RASGRF2: variants seen among roughly 807,000 people sequenced by gnomAD.
RASGRF2 encodes the protein ras-specific guanine nucleotide-releasing factor 2.
Under a neutral mutation model 151.0 loss-of-function variants are expected in RASGRF2, and 76 were observed. That is an observed-to-expected ratio of 0.50 (90% CI 0.42 to 0.61). The LOEUF is 0.61. RASGRF2 is among the 20% of genes least tolerant of loss of function. The probability of loss-of-function intolerance (pLI) is 0.00; values close to 1 mark genes in which losing one functional copy is unlikely to be tolerated. For synonymous variants in RASGRF2, 504 were observed against 566.5 expected (o/e 0.89, Z 1.57); for missense variants, 1,148 against 1,564.6 (o/e 0.73, Z 4.49).
At chr5:81,145,542 C>T (rs1753986504) in intron 17 of RASGRF2, among the ~76,000 whole-genome samples, 1 of 152,246 alleles carries the variant, frequency 6.6e-6, no homozygotes, top group African/African-American at 2.4e-5. Flanking sequence ...ATGACTTTGG[C>T]ACCTAGGTCA....
At position 81,062,696 on chromosome 5, in the gene RASGRF2, C is replaced by T. The variant is rs78330766; in HGVS notation, c.396-5336C>T. On this transcript the variant is annotated intron_variant, in intron 2 of 26. Transcript: ENST00000265080. ...TGGTCCCACAGAGAATGAAATGTAC[C>T]GTGTCATTGAATATTTGCTCCTTGA... 5.5e-3 allele frequency among the ~76,000 whole-genome samples: 835 copies of T among 152,208 alleles called. 6 individuals carry two copies. The highest frequency in any genetic ancestry group is 0.017 in the African/African-American group (712 of 41,524).
intron 18 of RASGRF2, chr5:81,183,345 T>C (rs7701594): frequency 0.82 from 791,484 of 965,396 alleles, 324,900 homozygotes; most frequent in Middle Eastern, 0.9. Flanking sequence ...AGATACTACC[T>C]TGAGCTTTAT....
Position 81,073,468 on chromosome 5 carries a change from A to G in RASGRF2, c.887+16A>G. 1 of 1,604,684 alleles carries G rather than the reference A, an allele frequency of 6.2e-7. No individual in the cohort carries two copies. ...TTCTTAACAGGTTTGACATTGCATA[A>G]ATCAAAGAGTTATGAGAAAAACCCC... is the stretch of plus-strand genomic sequence containing the variant. On this transcript the variant is annotated intron_variant, in intron 5 of 26. Transcript: ENST00000265080.
Position 81,180,290 on chromosome 5 carries a change from G to A in RASGRF2, c.2793+9G>A. 1 of 1,535,400 alleles carries A rather than the reference G, an allele frequency of 6.5e-7. No individual in the cohort carries two copies. Among genetic ancestry groups the A allele is most frequent in the Non-Finnish European group, 9.0e-7 (1 of 1,109,164 alleles). On this transcript the variant is annotated intron_variant, in intron 18 of 26. Coordinates refer to ENST00000265080, the MANE Select transcript of RASGRF2 (RefSeq NM_006909.3). ...TCTCAAAGCACGCACAGGTAAGTCA[G>A]TGCCCTCATTAATTACTTGCAAGGA...
chr5:81,139,409 T>C (rs1458673805), intron 17 of RASGRF2, among the ~76,000 whole-genome samples: 1 of 149,964 alleles, frequency 6.7e-6, no homozygotes, highest in Non-Finnish European at 1.5e-5. Context: ...TTCTTTCTTT[T>C]TTTTTTTTTT....
At chr5:80,999,729 C>T (rs1749018847) in intron 1 of RASGRF2, among the ~76,000 whole-genome samples, 1 of 152,090 alleles carries the variant, frequency 6.6e-6, no homozygotes, top group Non-Finnish European at 1.5e-5. Flanking sequence ...TGACATCTGC[C>T]TCAGTTCTCC....
chr5:81,099,230 C>T (rs1276454750), intron 12 of RASGRF2, among the ~76,000 whole-genome samples: 2 of 152,208 alleles, frequency 1.3e-5, no homozygotes, highest in African/African-American at 4.8e-5. Context: ...TGTATACATA[C>T]ATCATGTTTG....
At chr5:81,079,313 C>A (rs537428790) in intron 5 of RASGRF2, among the ~76,000 whole-genome samples, 2 of 152,312 alleles carry the variant, frequency 1.3e-5, no homozygotes, top group Non-Finnish European at 2.9e-5. Flanking sequence ...AAATTAGAAT[C>A]TCATGGAGCC....
intron 17 of RASGRF2, among the ~76,000 whole-genome samples, chr5:81,179,725 A>G (rs992277222): frequency 2.0e-5 from 3 of 152,246 alleles, no homozygotes; most frequent in Admixed American, 1.3e-4. Context: ...AGGGATGCAC[A>G]GTAAAGTGTT....
rs577876645 is a variant in RASGRF2, at chr5:81,099,907, C to CTTTT, written c.1755+4930_1755+4933dup. Among the ~76,000 whole-genome samples, 85 of 125,016 alleles carry CTTTT rather than the reference C, an allele frequency of 6.8e-4. 2 individuals carry two copies. The highest frequency in any genetic ancestry group is 2.4e-3 in the African/African-American group (78 of 32,834). The allele number at this position is 125,016 out of a possible 152,430, so 82.0% of individuals were successfully genotyped here. A position where few individuals can be genotyped will look rare whatever the true frequency, so the allele number is the denominator to read the frequency against. ...ATTTTTGTCACTATTTTTCTTTTTTCTTTTTTTTTTTTTTTTTTGAGACAG... is the reference window on the plus strand; with the variant it reads ...ATTTTTGTCACTATTTTTCTTTTTTCTTTTTTTTTTTTTTTTTTTTTTGAGACAG... On this transcript the variant is annotated intron_variant, in intron 12 of 26. Coordinates refer to ENST00000265080, the MANE Select transcript of RASGRF2 (RefSeq NM_006909.3).
At chr5:80,998,632 C>T (rs944638281) in intron 1 of RASGRF2, among the ~76,000 whole-genome samples, 2 of 152,194 alleles carry the variant, frequency 1.3e-5, no homozygotes, top group Admixed American at 6.6e-5. Flanking sequence ...TTTCCCCTTC[C>T]TGGAGTTTCT....
At chr5:81,068,225 G>A (rs777349932) in intron 3 of RASGRF2, 46 bp downstream of exon 3, 33 of 1,576,994 alleles carry the variant, frequency 2.1e-5, no homozygotes, top group Middle Eastern at 1.7e-4. Flanking sequence ...CACGTTTACC[G>A]TCATTTCCTC....
chr5:80,989,601 T>G (rs1331976219), intron 1 of RASGRF2, among the ~76,000 whole-genome samples: 1 of 152,118 alleles, frequency 6.6e-6, no homozygotes, highest in Non-Finnish European at 1.5e-5. Context: ...TACTGTAGAG[T>G]GAAAAAATGT....
intron 2 of RASGRF2, among the ~76,000 whole-genome samples, chr5:81,053,568 TA>T (rs1404410318): frequency 2.0e-5 from 3 of 152,136 alleles, no homozygotes; most frequent in Non-Finnish European, 2.9e-5. Context: ...CTATTGTGAA[TA>T]GTGCTGCAAT....
In RASGRF2 at chr5:80,960,982, G is replaced by A; in HGVS notation, c.244G>A (p.Ala82Thr). The change falls in exon 1 of 27, where the codon GCC (alanine) becomes ACC (threonine). Residue 82 changes from alanine (A) to threonine (T), a missense_variant. This residue lies in a region of RASGRF2 where 221 missense variants were observed against 271.3 expected (regional missense o/e 0.81). Coordinates refer to ENST00000265080, the MANE Select transcript of RASGRF2 (RefSeq NM_006909.3). The surrounding 1 kb of genome is among the most constrained non-coding windows in gnomAD (Gnocchi z 5.5). ...SCERTPAPPR[A>T]GAGQGGVRDA... The stretch of plus-strand genomic sequence containing the variant: ...CGAACGAACGCCCGCGCCACCCAGG[G>A]CCGGCGCCGGGCAGGGAGGCGTCCG... 2.6e-6 allele frequency: 4 copies of A among 1,550,378 alleles called. No individual in the cohort carries two copies. The highest frequency in any genetic ancestry group is 3.5e-6 in the Non-Finnish European group (4 of 1,140,504).
intron 17 of RASGRF2, among the ~76,000 whole-genome samples, chr5:81,172,568 G>A (rs928334577): frequency 1.3e-5 from 2 of 152,042 alleles, no homozygotes; most frequent in Admixed American, 1.3e-4. Context: ...CACACTTATA[G>A]AAAGGTAAAA....
At position 80,969,664 on chromosome 5, in the gene RASGRF2, G is replaced by T. The variant is rs1302109076; in HGVS notation, c.288+8638G>T. ...GACGGGGTTTCACCGTGTTAGCCAGGATGATCTCGATCTCCTGACCTCGTG... is the reference window on the plus strand; with the variant it reads ...GACGGGGTTTCACCGTGTTAGCCAGTATGATCTCGATCTCCTGACCTCGTG... On this transcript the variant is annotated intron_variant, in intron 1 of 26. Coordinates refer to ENST00000265080, the MANE Select transcript of RASGRF2 (RefSeq NM_006909.3). 3.3e-5 allele frequency among the ~76,000 whole-genome samples: 5 copies of T among 150,288 alleles called. No homozygotes were observed. In the South Asian group the frequency reaches 6.3e-4, roughly 19 times the overall value.
At chr5:81,216,739 T>C (rs1311053777) in intron 24 of RASGRF2, among the ~76,000 whole-genome samples, 1 of 152,198 alleles carries the variant, frequency 6.6e-6, no homozygotes, top group East Asian at 1.9e-4. Context: ...CAAGCTGGGA[T>C]TTGAACCCAG....
chr5:81,189,211 G>GA (rs1402100533), intron 18 of RASGRF2, among the ~76,000 whole-genome samples: 1 of 152,138 alleles, frequency 6.6e-6, no homozygotes, highest in Non-Finnish European at 1.5e-5. Flanking sequence ...GAAGGGCCAG[G>GA]AAACCCCCGC....
Sources: gnomAD v4.1 joint callset for allele counts (sites outside exome capture counted in the v4.1 genomes callset) on GRCh38, gnomAD v4.1.1 for gene constraint, gnomAD v4.1.1 regional missense constraint, Gnocchi (gnomAD v3.1) non-coding constraint, MANE v1.5 for transcripts, NCBI Gene and HGNC (gene_info 2026-07-23, HGNC 2026-07-21) for gene names.